The following PDGFA variants were observed in gnomAD, a reference collection of about 807,000 sequenced individuals.
PDGFA encodes platelet-derived growth factor subunit A.
Under a neutral mutation model 25.6 loss-of-function variants are expected in PDGFA, and 9 were observed. The observed-to-expected ratio is 0.35, with a 90% CI of 0.21 to 0.61. The LOEUF (loss-of-function observed/expected upper bound fraction) is 0.61. Ranked by LOEUF, PDGFA falls within the 20% of genes least tolerant of loss-of-function variation. The pLI is 0.75. For missense variants in PDGFA, 242 were observed against 272.8 expected, an observed-to-expected ratio of 0.89 and a Z score of 0.79; for synonymous variants, 133 against 111.8, an observed-to-expected ratio of 1.19 and a Z score of -1.20.
At chr7:502,584 G>A (rs1782391704) in intron 4 of PDGFA, among the ~76,000 whole-genome samples, 1 of 152,312 alleles carries the variant, frequency 6.6e-6, no homozygotes, top group Admixed American at 6.5e-5. Context: ...CCTCAGCTGG[G>A]TTCCCCTCTT....
At chr7:505,385 G>A (rs780076261) in intron 4 of PDGFA, among the ~76,000 whole-genome samples, 3 of 152,096 alleles carry the variant, frequency 2.0e-5, no homozygotes, top group Admixed American at 6.5e-5. Flanking sequence ...CAACACTCCC[G>A]GCGCGAACTC....
chr7:500,648 C>T lies in PDGFA; in HGVS notation c.580+468G>A. On this transcript the variant is annotated intron_variant, in intron 5 of 5. Coordinates refer to ENST00000402802, the Ensembl canonical transcript of PDGFA. This position sits in a 1 kb window ranked among gnomAD's most constrained non-coding sequence, Gnocchi z 5.0. Reference sequence around the variant, plus strand: ...CGAGAAACTTCTGAGTCCCCTCATGCTCCCAGGGCCCAGCCATAGCAGGGC... The same window carrying T: ...CGAGAAACTTCTGAGTCCCCTCATGTTCCCAGGGCCCAGCCATAGCAGGGC... 1.4e-6 allele frequency: 2 copies of T among 1,476,536 alleles called. No individual in the cohort carries two copies. Among genetic ancestry groups the T allele is most frequent in the South Asian group, 1.4e-5 (1 of 73,448 alleles). The allele number at this position is 1,476,536 out of a possible 1,614,324, so 91.5% of individuals were successfully genotyped here. A position where few individuals can be genotyped will look rare whatever the true frequency, so the allele number is the denominator to read the frequency against.
At chr7:505,805 A>C (rs555015501) in intron 4 of PDGFA, among the ~76,000 whole-genome samples, 2 of 151,970 alleles carry the variant, frequency 1.3e-5, no homozygotes, top group Non-Finnish European at 2.9e-5. Flanking sequence ...CCCTGGCCCC[A>C]CCGCCCCACA....
At chr7:515,382 G>C (rs1260154887) in intron 2 of PDGFA, among the ~76,000 whole-genome samples, 1 of 152,196 alleles carries the variant, frequency 6.6e-6, no homozygotes, top group Non-Finnish European at 1.5e-5. Context: ...CCCTACGACA[G>C]AGAACGGGAG....
intron 4 of PDGFA, among the ~76,000 whole-genome samples, chr7:506,041 T>C (rs1054440823): frequency 1.3e-5 from 2 of 151,724 alleles, no homozygotes; most frequent in African/African-American, 4.8e-5. Flanking sequence ...CCAGGCGTGG[T>C]GGTGAGTGTC....
chr7:512,742 G>C, intron 2 of PDGFA: 2 of 1,154,876 alleles, frequency 1.7e-6, no homozygotes, highest in South Asian at 1.6e-5. Context: ...GGGCCCTTCG[G>C]GGAAGAGGTT....
chr7:501,031 G>T lies in PDGFA; in HGVS notation c.580+85C>A, dbSNP rs559185821. 10 of 1,611,452 alleles carry T rather than the reference G, an allele frequency of 6.2e-6. 2 individuals carry two copies. The highest frequency in any genetic ancestry group is 3.3e-4 in the Middle Eastern group (2 of 6,058). On this transcript the variant is annotated intron_variant, in intron 5 of 5. Coordinates refer to ENST00000402802, the Ensembl canonical transcript of PDGFA. The stretch of plus-strand genomic sequence containing the variant: ...AGATGCTCACAGCAGTAAGCGTTGC[G>T]CTCAAGGGGGCCACCTAACACCCCA...
Position 498,537 on chromosome 7 carries a change from G to A in PDGFA, c.*27C>T, listed in dbSNP as rs755679425. On this transcript the variant is annotated 3_prime_UTR_variant, in exon 6 of 6. Transcript: ENST00000402802. Reference sequence around the variant, plus strand: ...AATGTAACACGCCATGTACATCCATGTCCCAGGAAAGGGCTGCGGCTCATC... The same window carrying A: ...AATGTAACACGCCATGTACATCCATATCCCAGGAAAGGGCTGCGGCTCATC... 3.9e-5 allele frequency: 63 copies of A among 1,605,582 alleles called. 2 individuals carry two copies. In the South Asian group the frequency reaches 6.5e-4, roughly 17 times the overall value.
chr7:504,308 C>T lies in PDGFA; in HGVS notation c.454-3066G>A, dbSNP rs879848409. On this transcript the variant is annotated intron_variant, in intron 4 of 5. Coordinates refer to ENST00000402802, the Ensembl canonical transcript of PDGFA. Reference sequence around the variant, plus strand: ...GGCCTGGGGTCGGAGAGGCCCGGCCCGAGGATGAACTGCAGCAAAGCCCCA... The same window carrying T: ...GGCCTGGGGTCGGAGAGGCCCGGCCTGAGGATGAACTGCAGCAAAGCCCCA... Among the ~76,000 whole-genome samples the T allele has an allele frequency of 1.1e-4, 16 of 152,162 alleles. 1 individual carries two copies. The highest frequency in any genetic ancestry group is 2.0e-4 in the Admixed American group (3 of 15,298).
At chr7:510,705 T>TGGGGAGGGGAGGGGAGGGGA (rs1190047173) in intron 4 of PDGFA, 104 bp downstream of exon 4, 1 of 328,778 alleles carries the variant, frequency 3.0e-6, no homozygotes, top group South Asian at 2.5e-5. Context: ...CGGGCTTGGG[T>TGGGGAGGGGAGGGGAGGGGA]GGGGAGGGGA....
chr7:512,279 C>T (rs1782887646), intron 3 of PDGFA, 72 bp downstream of exon 3: 1 of 1,427,890 alleles, frequency 7.0e-7, no homozygotes. Context: ...CCGGCCCTGC[C>T]CTGCCCATCG....
chr7:514,085 T>C (rs1049897913), intron 2 of PDGFA, among the ~76,000 whole-genome samples: 2 of 152,038 alleles, frequency 1.3e-5, no homozygotes, highest in African/African-American at 4.8e-5. Flanking sequence ...TAGGAGAAAA[T>C]TCAATAACAC....
At chr7:515,104 G>A (rs1783030078) in intron 2 of PDGFA, among the ~76,000 whole-genome samples, 1 of 152,194 alleles carries the variant, frequency 6.6e-6, no homozygotes, top group African/African-American at 2.4e-5. Flanking sequence ...CGCACCCCTG[G>A]GATTCCTCAA....
chr7:504,964 C>T (rs1020845954), intron 4 of PDGFA, among the ~76,000 whole-genome samples: 4 of 152,224 alleles, frequency 2.6e-5, no homozygotes, highest in African/African-American at 9.6e-5. Flanking sequence ...ATGGCACGGC[C>T]GCTCGTCTGG....
intron 2 of PDGFA, among the ~76,000 whole-genome samples, chr7:515,744 G>T (rs1441286307): frequency 6.8e-6 from 1 of 146,922 alleles, no homozygotes; most frequent in Non-Finnish European, 1.5e-5. Context: ...AACCGGCCAG[G>T]ACTAGCTTAG....
intron 5 of PDGFA, 26 bp downstream of exon 5, chr7:501,090 C>T (rs746707403): frequency 5.6e-6 from 9 of 1,614,054 alleles, no homozygotes; most frequent in African/African-American, 1.3e-5. Context: ...TCTCCAACAC[C>T]GATGCCGACG....
chr7:505,775 A>G (rs1387593299), intron 4 of PDGFA, among the ~76,000 whole-genome samples: 1 of 152,186 alleles, frequency 6.6e-6, no homozygotes, highest in East Asian at 1.9e-4. Context: ...TTTCACGGAA[A>G]GAAAGCCTAG....
chr7:513,177 T>G (rs1782941303), intron 2 of PDGFA: 1 of 154,878 alleles, frequency 6.5e-6, no homozygotes, highest in South Asian at 2.0e-4. Flanking sequence ...GGAGAGGGGT[T>G]GAGAGAAGCT....
At chr7:506,393 G>C (rs1167826866) in intron 4 of PDGFA, among the ~76,000 whole-genome samples, 2 of 152,116 alleles carry the variant, frequency 1.3e-5, no homozygotes, top group African/African-American at 4.8e-5. Flanking sequence ...GCCCAGCCTG[G>C]CTCAAGAGGA....
Sources: allele counts gnomAD v4.1 joint callset (sites outside exome capture counted in the v4.1 genomes callset), GRCh38; gene constraint gnomAD v4.1.1; non-coding constraint Gnocchi (gnomAD v3.1); transcripts MANE v1.5; gene names NCBI Gene and HGNC (gene_info 2026-07-23, HGNC 2026-07-21).